Variants in PTPRO observed in about 807,000 individuals in gnomAD.
PTPRO encodes the protein receptor-type tyrosine-protein phosphatase O.
PTPRO carries 62 observed loss-of-function variants against 145.2 expected under a neutral mutation model. The ratio of observed to expected loss-of-function variants is 0.43; its 90% CI spans 0.35 to 0.53. The LOEUF (loss-of-function observed/expected upper bound fraction) is 0.53. PTPRO is among the 20% of genes least tolerant of loss of function. The probability of loss-of-function intolerance (pLI) is 0.01; values close to 1 mark genes in which losing one functional copy is unlikely to be tolerated. For synonymous variants in PTPRO, 565 were observed against 514.7 expected, an observed-to-expected ratio of 1.10 and a Z score of -1.32; for missense variants, 1,345 against 1,482.7, an observed-to-expected ratio of 0.91 and a Z score of 1.53.
In PTPRO at chr12:15,501,793, A is replaced by T. The variant is rs1434935304; in HGVS notation, c.835A>T (p.Ile279Phe). ...AACCCCTGAAATTCCCTCGGGCAAC[A>T]TTTCTTCCGGTTGGCCTGATTTTAA... ...EETPEIPSGN[I>F]SSGWPDFNSS... The change falls in exon 5 of 27, where the codon ATT (isoleucine) becomes TTT (phenylalanine). Residue 279 changes from isoleucine to phenylalanine, a missense_variant. Physicochemically the swap from Ile to Phe is conservative, Grantham distance 21. Transcript: ENST00000281171. 3.1e-6 allele frequency: 5 copies of T among 1,614,068 alleles called. No homozygotes were observed. The highest frequency in any genetic ancestry group is 8.5e-7 in the Non-Finnish European group (1 of 1,180,008).
chr12:15,475,935 A>G (rs1407221168), intron 1 of PTPRO, among the ~76,000 whole-genome samples: 2 of 152,214 alleles, frequency 1.3e-5, no homozygotes, highest in South Asian at 2.1e-4. Context: ...CCTCTATCCA[A>G]TGAGGACATC....
chr12:15,404,721 C>T (rs1326447291), intron 1 of PTPRO, among the ~76,000 whole-genome samples: 1 of 152,194 alleles, frequency 6.6e-6, no homozygotes, highest in Non-Finnish European at 1.5e-5. Context: ...ATCTGTCTAA[C>T]TCTAAAATGC....
At chr12:15,441,801 A>G (rs1940773876) in intron 1 of PTPRO, among the ~76,000 whole-genome samples, 1 of 152,124 alleles carries the variant, frequency 6.6e-6, no homozygotes, top group Non-Finnish European at 1.5e-5. Context: ...GATTAAATCA[A>G]GAAGAAATTG....
chr12:15,490,274 A>G (rs1389998824), intron 2 of PTPRO, among the ~76,000 whole-genome samples: 7 of 152,222 alleles, frequency 4.6e-5, no homozygotes, highest in African/African-American at 1.2e-4. Context: ...TTTCAAATCT[A>G]CAATTCATTC....
At chr12:15,459,271 C>T (rs370968070) in intron 1 of PTPRO, among the ~76,000 whole-genome samples, 13 of 152,240 alleles carry the variant, frequency 8.5e-5, no homozygotes, top group East Asian at 7.7e-4. Context: ...TGATGGGGGC[C>T]GGCATGCTAG....
intron 1 of PTPRO, among the ~76,000 whole-genome samples, chr12:15,324,850 A>G (rs1213685292): frequency 6.6e-6 from 1 of 152,150 alleles, no homozygotes; most frequent in Non-Finnish European, 1.5e-5. Flanking sequence ...ACACAGTGTA[A>G]TATCTTACAT....
At chr12:15,591,831 C>A (rs560243907) in intron 25 of PTPRO, among the ~76,000 whole-genome samples, 77 of 151,908 alleles carry the variant, frequency 5.1e-4, no homozygotes, top group African/African-American at 1.8e-3. Flanking sequence ...CCACTGCACC[C>A]CAGTCTGGTG....
intron 10 of PTPRO, 22 bp downstream of exon 10, chr12:15,520,334 G>C (rs1942689769): frequency 1.2e-5 from 18 of 1,538,228 alleles, no homozygotes; most frequent in Non-Finnish European, 1.6e-5. Context: ...GTGGGGAACA[G>C]TTCCACAAGG....
At chr12:15,361,452 A>G (rs899544219) in intron 1 of PTPRO, among the ~76,000 whole-genome samples, 1 of 151,574 alleles carries the variant, frequency 6.6e-6, no homozygotes. Context: ...AAAAAAAAAA[A>G]AAAAAAGAAA....
intron 1 of PTPRO, among the ~76,000 whole-genome samples, chr12:15,452,028 G>A (rs1407769180): frequency 1.3e-5 from 2 of 151,924 alleles, no homozygotes; most frequent in South Asian, 2.1e-4. Context: ...AAACAAAAAA[G>A]CATGCAAAAG....
intron 17 of PTPRO, among the ~76,000 whole-genome samples, chr12:15,562,884 C>T (rs916907916): frequency 6.6e-6 from 1 of 151,980 alleles, no homozygotes; most frequent in African/African-American, 2.4e-5. Flanking sequence ...GATGATTGCA[C>T]ATTCTATTTG....
At chr12:15,475,174 C>A (rs767650208) in intron 1 of PTPRO, among the ~76,000 whole-genome samples, 6 of 152,198 alleles carry the variant, frequency 3.9e-5, no homozygotes, top group Non-Finnish European at 7.3e-5. Context: ...TACTCTTCTT[C>A]TTATTATCAC....
intron 6 of PTPRO, among the ~76,000 whole-genome samples, chr12:15,505,738 A>G (rs987101409): frequency 2.0e-5 from 3 of 152,234 alleles, no homozygotes; most frequent in Non-Finnish European, 4.4e-5. Flanking sequence ...GCTCAGCATA[A>G]TGTAGTCACA....
chr12:15,401,888 C>G (rs1251328007), intron 1 of PTPRO, among the ~76,000 whole-genome samples: 1 of 152,166 alleles, frequency 6.6e-6, no homozygotes, highest in Non-Finnish European at 1.5e-5. Context: ...TGCATCTCAT[C>G]ATTTCATTGA....
chr12:15,344,981 T>C (rs1026404236), intron 1 of PTPRO, among the ~76,000 whole-genome samples: 2 of 152,228 alleles, frequency 1.3e-5, no homozygotes, highest in Non-Finnish European at 2.9e-5. Flanking sequence ...CCCAGCTGAA[T>C]ACACCACCAA....
At chr12:15,574,550 A>G (rs139834347) in intron 19 of PTPRO, among the ~76,000 whole-genome samples, 1 of 152,326 alleles carries the variant, frequency 6.6e-6, no homozygotes, top group African/African-American at 2.4e-5. Flanking sequence ...GTGACCTTTG[A>G]TTTCTGGTAG....
At chr12:15,534,448 T>A (rs1943026610) in intron 12 of PTPRO, among the ~76,000 whole-genome samples, 4 of 152,194 alleles carry the variant, frequency 2.6e-5, no homozygotes. Context: ...GTGGTAGTCG[T>A]GATGGTAATG....
intron 1 of PTPRO, among the ~76,000 whole-genome samples, chr12:15,467,392 G>A (rs1190886629): frequency 6.9e-6 from 1 of 145,406 alleles, no homozygotes; most frequent in East Asian, 2.0e-4. Context: ...TGCTTTTATG[G>A]TAGTGAGGTA....
intron 1 of PTPRO, among the ~76,000 whole-genome samples, chr12:15,387,510 C>G (rs554861541): frequency 1.3e-5 from 2 of 152,248 alleles, no homozygotes; most frequent in Non-Finnish European, 2.9e-5. Context: ...ATCTACTTCC[C>G]CCTTCATAGG....
Sources: allele counts gnomAD v4.1 joint callset (sites outside exome capture counted in the v4.1 genomes callset), GRCh38; gene constraint gnomAD v4.1.1; transcripts MANE v1.5; gene names NCBI Gene and HGNC (gene_info 2026-07-23, HGNC 2026-07-21).